TMEM67: variants seen among roughly 807,000 people sequenced by gnomAD.
TMEM67 encodes the protein transmembrane protein 67.
A neutral mutation model predicts 136.6 loss-of-function variants in TMEM67; 124 were observed. That is an observed-to-expected ratio of 0.91 (90% CI 0.78 to 1.05). TMEM67 has a LOEUF of 1.05. TMEM67 is among the 50% of genes least tolerant of loss of function. The pLI, the probability that TMEM67 is intolerant of heterozygous loss-of-function variation, is 0.00. For synonymous variants in TMEM67, 364 were observed against 390.5 expected (o/e 0.93, Z 0.80); for missense variants, 1,107 against 1,178.4 (o/e 0.94, Z 0.89).
chr8:93,824,120 CAG>C (rs1809078143), downstream of TMEM67, among the ~76,000 whole-genome samples: 1 of 152,190 alleles, frequency 6.6e-6, no homozygotes, highest in Non-Finnish European at 1.5e-5. Context: ...CAGCTTGTAG[CAG>C]ACCAGGACTT....
intron 13 of TMEM67, 113 bp downstream of exon 13, chr8:93,786,459 TTA>T: frequency 8.2e-7 from 1 of 1,223,634 alleles, no homozygotes; most frequent in African/African-American, 1.5e-5. Flanking sequence ...GTTGGTCGGG[TTA>T]TTTTAGGTGT....
Position 93,815,326 on chromosome 8 carries a change from G to T in TMEM67, c.2786G>T (p.Ser929Ile). The T allele has an allele frequency of 1.3e-6, 2 of 1,592,194 alleles. 1 individual carries two copies. Among genetic ancestry groups the T allele is most frequent in the South Asian group, 2.3e-5 (2 of 87,804 alleles). ...ATAGATGAAGGTTATTCTTTCAGCA[G>T]TGTCCTGTATTATGGAAATGAAGCT... The part of the protein sequence containing the change: ...FYNDEGYSFS[S>I]VLYYGNEATL... The change falls in exon 27 of 28, where the codon AGT (serine) becomes ATT (isoleucine). Residue 929 changes from serine (S) to isoleucine (I), a missense_variant. Physicochemically the swap from Ser to Ile is moderately radical, Grantham distance 142. Coordinates refer to ENST00000453321, the MANE Select transcript of TMEM67 (RefSeq NM_153704.6).
Position 93,787,840 on chromosome 8 carries a change from A to G in TMEM67, c.1413-4A>G, listed in dbSNP as rs768860261. On this transcript the variant is annotated splice_region_variant and splice_polypyrimidine_tract_variant and intron_variant, in intron 13 of 27. Coordinates refer to ENST00000453321, the MANE Select transcript of TMEM67 (RefSeq NM_153704.6). ...TTACTATAAATGCATTTTCTTTTAA[A>G]TAGTGTCCACCTTGTACCCAACACA... is the stretch of plus-strand genomic sequence containing the variant. 3.7e-6 allele frequency: 6 copies of G among 1,607,032 alleles called. No individual in the cohort carries two copies. The highest frequency in any genetic ancestry group is 5.1e-6 in the Non-Finnish European group (6 of 1,173,554).
intron 4 of TMEM67, among the ~76,000 whole-genome samples, chr8:93,764,998 A>G (rs1161625138): frequency 6.6e-6 from 1 of 152,244 alleles, no homozygotes; most frequent in African/African-American, 2.4e-5. Context: ...AGCTAGAGAT[A>G]CATTTCTCTT....
chr8:93,809,971 CTTTTTT>C, intron 26 of TMEM67, 84 bp downstream of exon 26: 5 of 588,698 alleles, frequency 8.5e-6, no homozygotes, highest in South Asian at 3.9e-5. Flanking sequence ...TTCTTTTTTT[CTTTTTT>C]TTTTTTTTTT....
At position 93,818,044 on chromosome 8, in the gene TMEM67, A is replaced by C. The variant is rs1272028680; in HGVS notation, c.*1592A>C. ...TACTTGCTGATAAATTAAAACAGAA[A>C]ACATTTAAAATCATTCTAAATTTTG... On this transcript the variant is annotated 3_prime_UTR_variant, in exon 28 of 28. Coordinates refer to ENST00000453321, the MANE Select transcript of TMEM67 (RefSeq NM_153704.6). The C allele has an allele frequency of 6.6e-6, 1 of 152,218 alleles. No homozygotes were observed. Among genetic ancestry groups the C allele is most frequent in the East Asian group, 1.9e-4 (1 of 5,200 alleles). 9.4% of individuals were successfully genotyped at this position (152,218 alleles called of 1,614,324 possible).
At chr8:93,783,027 C>T (rs1813916668) in intron 11 of TMEM67, among the ~76,000 whole-genome samples, 1 of 152,070 alleles carries the variant, frequency 6.6e-6, no homozygotes, top group Admixed American at 6.5e-5. Flanking sequence ...CTCTGTTGCC[C>T]AGGCTGGAGT....
At chr8:93,769,091 T>G (rs1813215792) in intron 6 of TMEM67, among the ~76,000 whole-genome samples, 1 of 152,054 alleles carries the variant, frequency 6.6e-6, no homozygotes, top group Non-Finnish European at 1.5e-5. Flanking sequence ...CTGCCCAGCC[T>G]GGGGCACCTG....
intron 20 of TMEM67, among the ~76,000 whole-genome samples, chr8:93,798,767 A>G (rs1486969462): frequency 6.6e-6 from 1 of 152,114 alleles, no homozygotes; most frequent in Non-Finnish European, 1.5e-5. Flanking sequence ...AATAATATGA[A>G]CAAGACTTCC....
chr8:93,781,989 G>T (rs1205816354), intron 10 of TMEM67, among the ~76,000 whole-genome samples: 1 of 151,928 alleles, frequency 6.6e-6, no homozygotes, highest in Non-Finnish European at 1.5e-5. Flanking sequence ...CGCGATCTCA[G>T]CTCACTACAA....
At chr8:93,766,243 C>T (rs550309025) in intron 6 of TMEM67, among the ~76,000 whole-genome samples, 2 of 152,098 alleles carry the variant, frequency 1.3e-5, no homozygotes, top group Admixed American at 6.5e-5. Context: ...CCTGCCTCAG[C>T]GAGTAGCTGG....
chr8:93,781,971 T>G (rs562807551), intron 10 of TMEM67, among the ~76,000 whole-genome samples: 1 of 152,114 alleles, frequency 6.6e-6, no homozygotes, highest in Non-Finnish European at 1.5e-5. Context: ...CAGGCTGGAG[T>G]GCAGTGGCGC....
At chr8:93,785,909 A>C in intron 12 of TMEM67, 1 of 337,722 alleles carries the variant, frequency 3.0e-6, no homozygotes, top group Non-Finnish European at 5.6e-6. Context: ...ACTGGTTGCT[A>C]CAAAAAAAAA....
At chr8:93,827,319 C>T in the TMEM67 span, among the ~76,000 whole-genome samples, 2 of 152,132 alleles carry the variant, frequency 1.3e-5, no homozygotes, top group African/African-American at 2.4e-5. Flanking sequence ...AATAAATCAA[C>T]CTGTAGGAGG....
chr8:93,781,070 G>A, intron 9 of TMEM67, 88 bp downstream of exon 9: 2 of 901,466 alleles, frequency 2.2e-6, no homozygotes, highest in Non-Finnish European at 3.7e-6. Context: ...GCCTTTTTAG[G>A]TTGTTGGTAC....
intron 6 of TMEM67, among the ~76,000 whole-genome samples, chr8:93,767,135 C>T (rs1028510185): frequency 2.0e-5 from 3 of 152,158 alleles, no homozygotes; most frequent in Non-Finnish European, 4.4e-5. Context: ...GTTTTCCTGT[C>T]TTTCATGAAT....
rs1166689284 is a variant in TMEM67 at position 93,817,323 on chromosome 8, G to C, written c.*871G>C. ...AAGGCACGTGGATCACTTTAGGTCA[G>C]GAGTTCAAGAACAGCCTGGCCAACA... On this transcript the variant is annotated 3_prime_UTR_variant, in exon 28 of 28. Transcript: ENST00000453321. The C allele has an allele frequency of 1.3e-5, 2 of 152,254 alleles. No individual in the cohort carries two copies. The highest frequency in any genetic ancestry group is 3.8e-4 in the East Asian group (2 of 5,200). The allele number at this position is 152,254 out of a possible 1,614,324, so 9.4% of individuals were successfully genotyped here.
intron 2 of TMEM67, among the ~76,000 whole-genome samples, chr8:93,757,627 C>G (rs932974189): frequency 2.0e-5 from 3 of 148,496 alleles, no homozygotes; most frequent in Admixed American, 1.3e-4. Flanking sequence ...AGAGCAAAGA[C>G]TCTGTCTCAA....
chr8:93,768,908 T>G (rs1274519751), intron 6 of TMEM67, among the ~76,000 whole-genome samples: 1 of 151,948 alleles, frequency 6.6e-6, no homozygotes, highest in Non-Finnish European at 1.5e-5. Flanking sequence ...ATGTTCTGAT[T>G]CAGTTAATGT....
Sources: allele counts gnomAD v4.1 joint callset (sites outside exome capture counted in the v4.1 genomes callset), GRCh38; gene constraint gnomAD v4.1.1; transcripts MANE v1.5; gene names NCBI Gene and HGNC (gene_info 2026-07-23, HGNC 2026-07-21).